MARK2: variants seen among roughly 807,000 people sequenced by gnomAD.
MARK2 encodes the protein microtubule affinity regulating kinase 2, also known as serine/threonine-protein kinase MARK2.
Under a neutral mutation model 89.8 loss-of-function variants are expected in MARK2, and 16 were observed. That is an observed-to-expected ratio of 0.18 (90% CI 0.12 to 0.27). The LOEUF (loss-of-function observed/expected upper bound fraction) is 0.27. Ranked by LOEUF, MARK2 falls within the 10% of genes least tolerant of loss-of-function variation. The probability of loss-of-function intolerance (pLI) is 1.00; values close to 1 mark genes in which losing one functional copy is unlikely to be tolerated. For synonymous variants in MARK2, 382 were observed against 399.5 expected, an observed-to-expected ratio of 0.96 and a Z score of 0.52; for missense variants, 621 against 1,049.9, an observed-to-expected ratio of 0.59 and a Z score of 5.65.
intron 1 of MARK2, among the ~76,000 whole-genome samples, chr11:63,878,570 C>T (rs1357631557): frequency 2.0e-5 from 3 of 151,742 alleles, no homozygotes; most frequent in South Asian, 4.2e-4. Flanking sequence ...AGGATTTCAC[C>T]GTGTTAGCCA....
intron 1 of MARK2, among the ~76,000 whole-genome samples, chr11:63,894,355 G>A (rs936395699): frequency 6.6e-6 from 1 of 152,170 alleles, no homozygotes; most frequent in Non-Finnish European, 1.5e-5. Context: ...GTTCGACTTC[G>A]GCCATGCAGT....
chr11:63,906,138 T>C, intron 17 of MARK2, 24 bp downstream of exon 17: 1 of 1,274,288 alleles, frequency 7.8e-7, no homozygotes, highest in Non-Finnish European at 1.0e-6. Context: ...CCGCTGTGTG[T>C]GTGTGTGTGT....
At chr11:63,906,789 C>A (rs1415326261) in intron 17 of MARK2, among the ~76,000 whole-genome samples, 4 of 151,904 alleles carry the variant, frequency 2.6e-5, no homozygotes, top group Non-Finnish European at 4.4e-5. Flanking sequence ...CCCCTCCTGG[C>A]AGCTCCTGCA....
rs1160719756 is a variant in MARK2, at chr11:63,895,795, G to A, written c.288+162G>A. Among the ~76,000 whole-genome samples, 2 of 150,330 alleles carry A rather than the reference G, an allele frequency of 1.3e-5. No individual in the cohort carries two copies. Among genetic ancestry groups the A allele is most frequent in the Non-Finnish European group, 3.0e-5 (2 of 67,716 alleles). On this transcript the variant is annotated intron_variant, in intron 3 of 18. Coordinates refer to ENST00000402010, the MANE Select transcript of MARK2 (RefSeq NM_001039469.3). ...AGCGATTCTCCCGCCTCAGCCTCCCGAGTAGCTGGGATTATAGGCACCCGC... is the reference window on the plus strand; with the variant it reads ...AGCGATTCTCCCGCCTCAGCCTCCCAAGTAGCTGGGATTATAGGCACCCGC...
chr11:63,862,465 C>T (rs1027588703), intron 1 of MARK2, among the ~76,000 whole-genome samples: 4 of 143,216 alleles, frequency 2.8e-5, no homozygotes, highest in East Asian at 2.2e-4. Flanking sequence ...TGTCTTGCAG[C>T]GGAATTTAGA....
chr11:63,869,841 C>G (rs1938348640), intron 1 of MARK2, among the ~76,000 whole-genome samples: 1 of 152,208 alleles, frequency 6.6e-6, no homozygotes, highest in Non-Finnish European at 1.5e-5. Context: ...ACGATGCCCA[C>G]TTCCTGCTGT....
At chr11:63,887,652 G>C (rs933569631) in intron 1 of MARK2, among the ~76,000 whole-genome samples, 12 of 152,214 alleles carry the variant, frequency 7.9e-5, no homozygotes, top group East Asian at 1.9e-4. Context: ...GCCTAGAATA[G>C]GGGATGAATG....
intron 1 of MARK2, chr11:63,882,798 G>A (rs1939175159): frequency 6.6e-6 from 1 of 152,274 alleles, no homozygotes; most frequent in Non-Finnish European, 1.5e-5. Context: ...GAAAAGCCCA[G>A]TGTCTAGAGA....
rs1421840423 is a variant in MARK2 at position 63,839,490 on chromosome 11, C to G, written c.-17C>G. 6.6e-7 allele frequency: 1 copy of G among 1,508,424 alleles called. No individual in the cohort carries two copies. 93.4% of individuals were successfully genotyped at this position (1,508,424 alleles called of 1,614,324 possible). ...TCCTCCAAGCTTCTCGGTTCCCTCC[C>G]CCGAGATACCGGCGCCATGTCCAGC... is the stretch of plus-strand genomic sequence containing the variant. On this transcript the variant is annotated 5_prime_UTR_variant, in exon 1 of 19. Coordinates refer to ENST00000402010, the MANE Select transcript of MARK2 (RefSeq NM_001039469.3).
chr11:63,886,714 C>G (rs1161453317), intron 1 of MARK2, among the ~76,000 whole-genome samples: 1 of 152,168 alleles, frequency 6.6e-6, no homozygotes, highest in African/African-American at 2.4e-5. Flanking sequence ...TGGGGGCCAC[C>G]ATGCTTGGCC....
chr11:63,848,549 AT>A (rs779169841), intron 1 of MARK2, among the ~76,000 whole-genome samples: 10,030 of 123,662 alleles, frequency 0.081, 373 homozygotes, highest in South Asian at 0.21. Flanking sequence ...CACCCGGCTA[AT>A]TTTTTTTTTT....
Position 63,902,673 on chromosome 11 carries a change from G to A in MARK2, c.1307G>A (p.Arg436Gln), listed in dbSNP as rs368859674. 9 of 1,614,080 alleles carry A rather than the reference G, an allele frequency of 5.6e-6. No homozygotes were observed. Among genetic ancestry groups the A allele is most frequent in the African/African-American group, 1.3e-5 (1 of 75,008 alleles). ...CAGAGTAACAACGCAGAAAATAAGC[G>A]GCCTGAGGAGGACCGGGAGTCAGGG... ...KTQSNNAENK[R>Q]PEEDRESGRK... is the part of the protein sequence containing the mutation. The change falls in exon 13 of 19, where the codon CGG becomes CAG. Residue 436 changes from arginine to glutamine, a missense_variant. Arg to Gln is a conservative substitution (Grantham distance 43). Around this residue, in one of 5 missense-constraint regions of MARK2, gnomAD observed 397 missense variants for 567.8 expected, o/e 0.70. Coordinates refer to ENST00000402010, the MANE Select transcript of MARK2 (RefSeq NM_001039469.3). The surrounding 1 kb of genome is among the most constrained non-coding windows in gnomAD (Gnocchi z 4.2).
At chr11:63,855,437 T>G (rs2016790334) in intron 1 of MARK2, among the ~76,000 whole-genome samples, 2 of 90,508 alleles carry the variant, frequency 2.2e-5, no homozygotes, top group African/African-American at 7.2e-5. Flanking sequence ...GGCGAGAAGA[T>G]CTCTTGAGCC....
intron 17 of MARK2, 111 bp downstream of exon 17, chr11:63,906,225 A>C (rs1226533754): frequency 8.2e-7 from 1 of 1,226,096 alleles, no homozygotes; most frequent in Non-Finnish European, 1.0e-6. Context: ...CATCTGCTTA[A>C]CCAAGTCTGT....
At chr11:63,840,580 T>C (rs1015135179) in intron 1 of MARK2, among the ~76,000 whole-genome samples, 3 of 152,180 alleles carry the variant, frequency 2.0e-5, no homozygotes, top group Admixed American at 2.0e-4. Context: ...GTGTCTTCAC[T>C]CCCGTGCCTG....
chr11:63,876,222 A>C (rs1938743895), intron 1 of MARK2, among the ~76,000 whole-genome samples: 1 of 16,758 alleles, frequency 6.0e-5, no homozygotes, highest in Non-Finnish European at 1.0e-4. Flanking sequence ...GATGACCAGA[A>C]CTTAGCCTTC....
intron 1 of MARK2, among the ~76,000 whole-genome samples, chr11:63,841,187 G>A (rs1001489416): frequency 3.9e-5 from 6 of 152,032 alleles, no homozygotes; most frequent in African/African-American, 1.4e-4. Context: ...GTATTCTCTT[G>A]CATGTGAACA....
At chr11:63,874,370 TCTC>T (rs983478877) in intron 1 of MARK2, among the ~76,000 whole-genome samples, 3 of 152,284 alleles carry the variant, frequency 2.0e-5, no homozygotes, top group East Asian at 3.9e-4. Context: ...CCTTAAGACA[TCTC>T]CTCTTTTTTC....
chr11:63,861,922 TTC>T (rs200702240), intron 1 of MARK2, among the ~76,000 whole-genome samples: 69 of 125,530 alleles, frequency 5.5e-4, no homozygotes, highest in Non-Finnish European at 4.5e-4. Context: ...CTTTCTTTCT[TTC>T]TTTTTTTTTT....
Sources: allele counts gnomAD v4.1 joint callset (sites outside exome capture counted in the v4.1 genomes callset), GRCh38; gene constraint gnomAD v4.1.1; regional missense constraint gnomAD v4.1.1; non-coding constraint Gnocchi (gnomAD v3.1); transcripts MANE v1.5; gene names NCBI Gene and HGNC (gene_info 2026-07-23, HGNC 2026-07-21).